Variants in ZAR1L observed in about 807,000 individuals in gnomAD.
ZAR1L encodes zygote arrest 1 like.
A neutral mutation model predicts 30.0 loss-of-function variants in ZAR1L; 16 were observed. That is an observed-to-expected ratio of 0.53 (90% CI 0.36 to 0.81). The LOEUF (loss-of-function observed/expected upper bound fraction) is 0.81. ZAR1L is among the 30% of genes least tolerant of loss of function. ZAR1L has a pLI of 0.00. For missense variants in ZAR1L, 392 were observed against 417.2 expected (o/e 0.94, Z 0.53); for synonymous variants, 197 against 166.8 (o/e 1.18, Z -1.40).
In ZAR1L at chr13:32,309,634, A is replaced by G. The variant is rs143474989; in HGVS notation, c.748-874T>C. On this transcript the variant is annotated intron_variant, in intron 4 of 5. Transcript: ENST00000533490. ...GAGCTAATACCCTCCTTCCTGTGCT[A>G]TCTCTGCACTGCTTCCATATGAAGA... Among the ~76,000 whole-genome samples the G allele has an allele frequency of 6.6e-5, 10 of 152,264 alleles. No individual in the cohort carries two copies. In the East Asian group the frequency reaches 1.9e-3, roughly 29 times the overall value.
Position 32,311,865 on chromosome 13 carries a change from A to C in ZAR1L, c.61T>G (p.Leu21Val), listed in dbSNP as rs778212987. The change falls in exon 3 of 6, where the codon TTG becomes GTG. Residue 21 changes from leucine (L) to valine (V), a missense_variant. Transcript: ENST00000533490. ...TGCCCTGAGAGTCCAGGCTGGCCCA[A>C]AGGCACTGTGCTCCCATAACCCTGG... ...LYQGYGSTVP[L>V]GQPGLSGHKQ... The C allele has an allele frequency of 4.5e-6, 7 of 1,551,696 alleles. No individual in the cohort carries two copies. The highest frequency in any genetic ancestry group is 6.1e-6 in the Non-Finnish European group (7 of 1,146,992).
intron 4 of ZAR1L, among the ~76,000 whole-genome samples, chr13:32,309,849 C>G (rs1316519495): frequency 6.6e-6 from 1 of 152,250 alleles, no homozygotes; most frequent in Non-Finnish European, 1.5e-5. Flanking sequence ...TCTATTCACT[C>G]TCTAGGTCTC....
intron 3 of ZAR1L, 28 bp from the exon 4 acceptor site, chr13:32,310,759 C>T (rs1203355152): frequency 6.9e-7 from 1 of 1,459,848 alleles, no homozygotes; most frequent in Non-Finnish European, 9.4e-7. Context: ...AAGTACTTTA[C>T]CATCATGCAA....
chr13:32,312,602 G>C (rs971169408), intron 2 of ZAR1L, among the ~76,000 whole-genome samples: 1 of 152,002 alleles, frequency 6.6e-6, no homozygotes, highest in African/African-American at 2.4e-5. Context: ...TCCTGGCCAG[G>C]CGCGGTGGCT....
rs749442966 is a variant in ZAR1L, at chr13:32,308,693, T to C, written c.815A>G (p.Gln272Arg). Residue 272 changes from glutamine (Q) to arginine (R), a missense_variant, in exon 5 of 6, where the codon CAA becomes CGA. By Grantham distance (43) the Gln-to-Arg change is conservative. Transcript: ENST00000533490. ...AGTGTTCCATATGCTCACCTGACAT[T>C]GGATTGCTTCTACTCGATAAGGGTT... ...SFNPYRVEAIQCQTCSKSHCS... is the reference protein window; with the variant it reads ...SFNPYRVEAIRCQTCSKSHCS... 2.6e-6 allele frequency: 4 copies of C among 1,550,758 alleles called. No individual in the cohort carries two copies. The highest frequency in any genetic ancestry group is 1.7e-4 in the Middle Eastern group (1 of 5,986).
chr13:32,312,819 A>G (rs971159473), intron 2 of ZAR1L, among the ~76,000 whole-genome samples: 2 of 152,182 alleles, frequency 1.3e-5, no homozygotes, highest in Non-Finnish European at 2.9e-5. Context: ...CAAAGGTTGC[A>G]GTGAGCTGAG....
chr13:32,304,918 C>T (rs574761679), intron 5 of ZAR1L, among the ~76,000 whole-genome samples: 3 of 149,362 alleles, frequency 2.0e-5, no homozygotes, highest in South Asian at 4.2e-4. Flanking sequence ...AAGCAATTGT[C>T]TCTGCCTCAG....
At chr13:32,306,682 A>G (rs1054520818) in intron 5 of ZAR1L, among the ~76,000 whole-genome samples, 6 of 152,154 alleles carry the variant, frequency 3.9e-5, no homozygotes, top group Non-Finnish European at 8.8e-5. Context: ...TATAATCCCA[A>G]TACTTTGGGA....
At chr13:32,309,142 C>T (rs2072196210) in intron 4 of ZAR1L, among the ~76,000 whole-genome samples, 1 of 151,952 alleles carries the variant, frequency 6.6e-6, no homozygotes, top group African/African-American at 2.4e-5. Flanking sequence ...AGGTGCCCGC[C>T]ACCACACCCG....
chr13:32,304,181 T>G (rs1026589996), intron 5 of ZAR1L, among the ~76,000 whole-genome samples, 159 bp from the exon 6 acceptor site: 1 of 152,220 alleles, frequency 6.6e-6, no homozygotes, highest in Admixed American at 6.5e-5. Context: ...AAATTACTTG[T>G]ATCACATTAA....
intron 1 of ZAR1L, among the ~76,000 whole-genome samples, chr13:32,314,754 A>C (rs2072237524): frequency 6.6e-6 from 1 of 152,200 alleles, no homozygotes; most frequent in African/African-American, 2.4e-5. Flanking sequence ...CGGGAGGCTG[A>C]GGCAGGAGAA....
chr13:32,305,872 C>T (rs79375168), intron 5 of ZAR1L, among the ~76,000 whole-genome samples: 8,261 of 152,254 alleles, frequency 0.054, 759 homozygotes, highest in African/African-American at 0.19. Context: ...TGATAGCTAG[C>T]ACTCAATCAA....
At chr13:32,309,155 T>C (rs1223778289) in intron 4 of ZAR1L, among the ~76,000 whole-genome samples, 2 of 151,984 alleles carry the variant, frequency 1.3e-5, no homozygotes, top group Non-Finnish European at 2.9e-5. Context: ...CACACCCGGC[T>C]AATTTTTTGT....
chr13:32,308,360 T>C (rs1366885166), intron 5 of ZAR1L, among the ~76,000 whole-genome samples: 2 of 152,180 alleles, frequency 1.3e-5, no homozygotes, highest in Admixed American at 6.5e-5. Flanking sequence ...AGGTAATGCA[T>C]GTAAAGCACT....
At chr13:32,309,807 G>A (rs554086172) in intron 4 of ZAR1L, among the ~76,000 whole-genome samples, 326 of 152,352 alleles carry the variant, frequency 2.1e-3, no homozygotes, top group Non-Finnish European at 2.6e-3. Context: ...TCTGGCAAGA[G>A]AAGGAAGTAA....
chr13:32,315,111 T>G (rs1294449372), intron 1 of ZAR1L, among the ~76,000 whole-genome samples: 1 of 152,158 alleles, frequency 6.6e-6, no homozygotes, highest in African/African-American at 2.4e-5. Context: ...CGGCTCGCTT[T>G]GGGGAACAGG....
rs34528008 is a variant in ZAR1L at position 32,308,775 on chromosome 13, G to GT, written c.748-16dup. On this transcript the variant is annotated splice_polypyrimidine_tract_variant and intron_variant, in intron 4 of 5. Transcript: ENST00000533490. Reference sequence around the variant, plus strand: ...TTGAAATAAACCTAAAGAGAAATATGTTTTTTTTTAATACAAGCTTTTATA... The same window carrying GT: ...TTGAAATAAACCTAAAGAGAAATATGTTTTTTTTTTAATACAAGCTTTTATA... The GT allele has an allele frequency of 0.36, 524,526 of 1,457,322 alleles. 83,962 individuals carry two copies. The highest frequency in any genetic ancestry group is 0.48 in the East Asian group (18,642 of 38,848). The allele number at this position is 1,457,322 out of a possible 1,614,324, so 90.3% of individuals were successfully genotyped here. A position where few individuals can be genotyped will look rare whatever the true frequency, so the allele number is the denominator to read the frequency against.
chr13:32,311,851 T>C lies in ZAR1L; in HGVS notation c.75A>G (p.Gly25=), dbSNP rs1239921504. The change falls in exon 3 of 6, where the codon GGA becomes GGG. Residue 25 remains glycine (G), a synonymous_variant. Coordinates refer to ENST00000533490, the MANE Select transcript of ZAR1L (RefSeq NM_001136571.2). ...YGSTVPLGQP[G]LSGHKQPDWR... ...AGTCGGGCTGTTTGTGCCCTGAGAGTCCAGGCTGGCCCAAAGGCACTGTGC... is the reference window on the plus strand; with the variant it reads ...AGTCGGGCTGTTTGTGCCCTGAGAGCCCAGGCTGGCCCAAAGGCACTGTGC... 1.3e-6 allele frequency: 2 copies of C among 1,551,516 alleles called. No homozygotes were observed. The highest frequency in any genetic ancestry group is 1.7e-6 in the Non-Finnish European group (2 of 1,146,998).
intron 5 of ZAR1L, among the ~76,000 whole-genome samples, chr13:32,307,403 G>A (rs907054022): frequency 4.1e-5 from 6 of 146,558 alleles, no homozygotes; most frequent in Admixed American, 2.1e-4. Context: ...GGAGGCTGGG[G>A]CAAGAGAATC....
Sources: gnomAD v4.1 joint callset for allele counts (sites outside exome capture counted in the v4.1 genomes callset) on GRCh38, gnomAD v4.1.1 for gene constraint, MANE v1.5 for transcripts, NCBI Gene and HGNC (gene_info 2026-07-23, HGNC 2026-07-21) for gene names.